SH3TC2: variants seen among roughly 807,000 people sequenced by gnomAD.
SH3TC2 encodes SH3 domain and tetratricopeptide repeats 2, also known as SH3 domain and tetratricopeptide repeat-containing protein 2.
SH3TC2 carries 87 observed loss-of-function variants against 124.5 expected under a neutral mutation model. The ratio of observed to expected loss-of-function variants is 0.70; its 90% CI spans 0.59 to 0.84. The LOEUF (loss-of-function observed/expected upper bound fraction) is 0.84, where lower values mean the gene tolerates loss of function less well. Among genes scored for constraint, SH3TC2 ranks in the 40% least tolerant of loss-of-function variants. The pLI is 0.00. For synonymous variants in SH3TC2, 634 were observed against 628.5 expected, an observed-to-expected ratio of 1.01 and a Z score of -0.13; for missense variants, 1,536 against 1,566.4, an observed-to-expected ratio of 0.98 and a Z score of 0.33.
chr5:149,049,754 G>T (rs1309856626), intron 2 of SH3TC2, among the ~76,000 whole-genome samples: 1 of 151,838 alleles, frequency 6.6e-6, no homozygotes, highest in Admixed American at 6.6e-5. Flanking sequence ...CTGCACTCCA[G>T]CCTGGGCAAC....
At chr5:149,055,532 A>C (rs920470177) in intron 1 of SH3TC2, among the ~76,000 whole-genome samples, 4 of 152,170 alleles carry the variant, frequency 2.6e-5, no homozygotes, top group Non-Finnish European at 4.4e-5. Flanking sequence ...GTTTGTGAGG[A>C]TATAGAGCAA....
At chr5:149,024,259 G>A (rs1481251212) in intron 12 of SH3TC2, among the ~76,000 whole-genome samples, 2 of 152,192 alleles carry the variant, frequency 1.3e-5, no homozygotes, top group Non-Finnish European at 2.9e-5. Context: ...AGGGCTGTGA[G>A]CTAGTGAACT....
intron 7 of SH3TC2, among the ~76,000 whole-genome samples, chr5:149,040,156 T>C (rs531098479): frequency 1.4e-4 from 22 of 152,332 alleles, no homozygotes; most frequent in Admixed American, 9.1e-4. Flanking sequence ...TACCCTTATG[T>C]GCCAGGCATT....
At position 149,027,602 on chromosome 5, in the gene SH3TC2, C is replaced by T. The variant is rs763652479; in HGVS notation, c.2130G>A (p.Gln710=). 1.2e-5 allele frequency: 20 copies of T among 1,614,138 alleles called. 1 individual carries two copies. Among genetic ancestry groups the T allele is most frequent in the Admixed American group, 1.2e-4 (7 of 60,006 alleles). The part of the protein sequence containing the change: ...SAQGMSLPIW[Q]VHLVLQNTTK... ...TTGTGTTCTGGAGGACAAGGTGGAC[C>T]TGCCAAATAGGAAGAGACATCCCTT... Residue 710 remains glutamine, a synonymous_variant, in exon 11 of 17, where the codon CAG becomes CAA. Coordinates refer to ENST00000515425, the MANE Select transcript of SH3TC2 (RefSeq NM_024577.4).
intron 8 of SH3TC2, among the ~76,000 whole-genome samples, chr5:149,032,660 T>A (rs1000544552): frequency 3.3e-5 from 5 of 152,178 alleles, no homozygotes; most frequent in African/African-American, 1.2e-4. Context: ...TACAGACGAA[T>A]AAACTGAGGC....
chr5:149,010,754 A>G (rs1753772023), intron 13 of SH3TC2, among the ~76,000 whole-genome samples: 1 of 152,264 alleles, frequency 6.6e-6, no homozygotes, highest in Non-Finnish European at 1.5e-5. Context: ...GGCTAAGTGT[A>G]GAAAAAGCTA....
At chr5:149,023,484 T>TA (rs1160645188) in intron 12 of SH3TC2, among the ~76,000 whole-genome samples, 2 of 152,014 alleles carry the variant, frequency 1.3e-5, no homozygotes, top group Non-Finnish European at 2.9e-5. Flanking sequence ...GATGGGTATT[T>TA]AAAAATCTTT....
At chr5:149,017,520 C>T (rs773452697) in intron 12 of SH3TC2, among the ~76,000 whole-genome samples, 3 of 152,132 alleles carry the variant, frequency 2.0e-5, no homozygotes, top group African/African-American at 4.8e-5. Context: ...GTGTGCCCCC[C>T]GCCCCACACA....
chr5:149,047,476 TTTATG>T (rs1342462978), intron 3 of SH3TC2: 1 of 253,012 alleles, frequency 4.0e-6, no homozygotes, highest in Non-Finnish European at 7.9e-6. Flanking sequence ...AATGGAAAAT[TTTATG>T]TTATGTATAT....
At chr5:149,062,292 C>T (rs1754766383) in intron 1 of SH3TC2, 1 of 526,312 alleles carries the variant, frequency 1.9e-6, no homozygotes, top group Non-Finnish European at 3.9e-6. Flanking sequence ...CCTTGATTCT[C>T]CTCTGAAAAA....
intron 3 of SH3TC2, chr5:149,045,795 TG>T (rs1340314526): frequency 1.5e-5 from 3 of 200,736 alleles, no homozygotes; most frequent in Non-Finnish European, 3.1e-5. Flanking sequence ...TACAGGCACC[TG>T]CCACCACGCT....
Position 149,028,472 on chromosome 5 carries a change from G to T in SH3TC2, c.1260C>A (p.Ser420Arg), listed in dbSNP as rs766814812. The T allele has an allele frequency of 8.1e-6, 13 of 1,612,578 alleles. No homozygotes were observed. Among genetic ancestry groups the T allele is most frequent in the African/African-American group, 1.3e-5 (1 of 74,860 alleles). ...EHQAVGSRQS[S>R]SSEDSSLEEE... Reference sequence around the variant, plus strand: ...CCTCCAGGCTGGAGTCCTCAGAGCTGCTGGACTGTCTGGACCCCACGGCCT... The same window carrying T: ...CCTCCAGGCTGGAGTCCTCAGAGCTTCTGGACTGTCTGGACCCCACGGCCT... The change falls in exon 11 of 17, where the codon AGC becomes AGA. Residue 420 changes from serine to arginine, a missense_variant. Around this residue, in one of 3 missense-constraint regions of SH3TC2, gnomAD observed 1,102 missense variants for 1,098.6 expected, o/e 1.00. Transcript: ENST00000515425.
chr5:149,061,090 C>T (rs952541782), intron 1 of SH3TC2, among the ~76,000 whole-genome samples: 2 of 151,966 alleles, frequency 1.3e-5, no homozygotes, highest in African/African-American at 4.8e-5. Context: ...TGAAAAGTCT[C>T]GAGGGAGATA....
chr5:149,048,008 A>AAGAGCGCTAT lies in SH3TC2; in HGVS notation c.152-20_152-19insATAGCGCTCT. 1 of 1,613,812 alleles carries AAGAGCGCTAT rather than the reference A, an allele frequency of 6.2e-7. No homozygotes were observed. Among genetic ancestry groups the AAGAGCGCTAT allele is most frequent in the African/African-American group, 1.3e-5 (1 of 75,042 alleles). On this transcript the variant is annotated intron_variant, in intron 2 of 16. Transcript: ENST00000515425. ...GTCAGGTCTTAAAGAGAACAGAGAGAGAAGGATCAGGCTGAAAATAGAATA... is the reference window on the plus strand; with the variant it reads ...GTCAGGTCTTAAAGAGAACAGAGAGAAGAGCGCTATGAAGGATCAGGCTGAAAATAGAATA...
At position 148,989,918 on chromosome 5, in the gene SH3TC2, T is replaced by G. The variant is rs1404689317; in HGVS notation, c.*14793A>C. Among the ~76,000 whole-genome samples the G allele has an allele frequency of 6.6e-6, 1 of 152,048 alleles. No individual in the cohort carries two copies. The highest frequency in any genetic ancestry group is 1.5e-5 in the Non-Finnish European group (1 of 68,012). ...AAATGAGATACATAACAGAAAAGAA[T>G]GAGTTCTTGGGGTGTGGGGATACAC... On this transcript the variant is annotated 3_prime_UTR_variant, in exon 17 of 17. Coordinates refer to ENST00000515425, the MANE Select transcript of SH3TC2 (RefSeq NM_024577.4).
chr5:149,054,089 A>G (rs867346733), intron 1 of SH3TC2, among the ~76,000 whole-genome samples: 1 of 152,312 alleles, frequency 6.6e-6, no homozygotes, highest in African/African-American at 2.4e-5. Context: ...GTTTGAGGCG[A>G]TGTGATTTAC....
Position 148,994,583 on chromosome 5 carries a change from GGTGGTTGGGTGGTT to G in SH3TC2, c.*10114_*10127del, listed in dbSNP as rs1753473027. Among the ~76,000 whole-genome samples, 1 of 149,376 alleles carries G rather than the reference GGTGGTTGGGTGGTT, an allele frequency of 6.7e-6. No homozygotes were observed. Among genetic ancestry groups the G allele is most frequent in the African/African-American group, 2.5e-5 (1 of 40,428 alleles). ...GGTTGTTTCATTGGTTGGGTATGTGGGTGGTTGGGTGGTTAGATGGTTGGTTGGTTGGTTGGTTG... is the reference window on the plus strand; with the variant it reads ...GGTTGTTTCATTGGTTGGGTATGTGGAGATGGTTGGTTGGTTGGTTGGTTG... On this transcript the variant is annotated 3_prime_UTR_variant, in exon 17 of 17. Coordinates refer to ENST00000515425, the MANE Select transcript of SH3TC2 (RefSeq NM_024577.4).
intron 16 of SH3TC2, among the ~76,000 whole-genome samples, chr5:149,005,599 G>A (rs1753674102): frequency 6.6e-6 from 1 of 152,312 alleles, no homozygotes; most frequent in Middle Eastern, 3.4e-3. Context: ...CTATGGGGCA[G>A]AGGCAAGATG....
chr5:149,018,215 G>A (rs190284037), intron 12 of SH3TC2, among the ~76,000 whole-genome samples: 1 of 152,070 alleles, frequency 6.6e-6, no homozygotes, highest in African/African-American at 2.4e-5. Flanking sequence ...GCTCACTGAA[G>A]GCTATTATGG....
Sources: gnomAD v4.1 joint callset for allele counts (sites outside exome capture counted in the v4.1 genomes callset) on GRCh38, gnomAD v4.1.1 for gene constraint, gnomAD v4.1.1 regional missense constraint, MANE v1.5 for transcripts, NCBI Gene and HGNC (gene_info 2026-07-23, HGNC 2026-07-21) for gene names.